Variants in IDE observed in about 807,000 individuals in gnomAD.
IDE encodes the protein insulin-degrading enzyme.
Under a neutral mutation model 133.2 loss-of-function variants are expected in IDE, and 58 were observed. The ratio of observed to expected loss-of-function variants is 0.44; its 90% CI spans 0.35 to 0.54. The LOEUF (loss-of-function observed/expected upper bound fraction) is 0.54. Among genes scored for constraint, IDE ranks in the 20% least tolerant of loss-of-function variants. IDE has a pLI of 0.00. For synonymous variants in IDE, 396 were observed against 421.3 expected, an observed-to-expected ratio of 0.94 and a Z score of 0.73; for missense variants, 981 against 1,234.0, an observed-to-expected ratio of 0.79 and a Z score of 3.07.
chr10:92,517,251 C>A (rs1352307260), intron 4 of IDE, among the ~76,000 whole-genome samples: 1 of 152,190 alleles, frequency 6.6e-6, no homozygotes, highest in Non-Finnish European at 1.5e-5. Context: ...TACTAAGATT[C>A]CTGTCCCAGA....
At chr10:92,518,014 T>A (rs1007435359) in intron 4 of IDE, among the ~76,000 whole-genome samples, 4 of 152,018 alleles carry the variant, frequency 2.6e-5, no homozygotes, top group Non-Finnish European at 4.4e-5. Flanking sequence ...ATTCTCTCAC[T>A]CTACCTGAGG....
chr10:92,545,285 A>G (rs755734688), intron 1 of IDE, among the ~76,000 whole-genome samples: 1 of 151,934 alleles, frequency 6.6e-6, no homozygotes, highest in Admixed American at 6.6e-5. Context: ...AAACACATAG[A>G]GATGGGAAAG....
At chr10:92,468,081 G>C (rs11187014) in intron 19 of IDE, among the ~76,000 whole-genome samples, 8,865 of 152,218 alleles carry the variant, frequency 0.058, 884 homozygotes, top group African/African-American at 0.2. Flanking sequence ...TTCTAGCTGG[G>C]AGTTTTAGAA....
intron 19 of IDE, 80 bp downstream of exon 19, chr10:92,468,799 A>G (rs1845817597): frequency 1.4e-6 from 1 of 706,354 alleles, no homozygotes; most frequent in Non-Finnish European, 2.6e-6. Context: ...GTAAAACTAT[A>G]CCAAATTCAG....
Position 92,452,966 on chromosome 10 carries a change from C to T in IDE, c.*1478G>A, listed in dbSNP as rs1844819300. On this transcript the variant is annotated 3_prime_UTR_variant, in exon 25 of 25. Coordinates refer to ENST00000265986, the MANE Select transcript of IDE (RefSeq NM_004969.4). The stretch of plus-strand genomic sequence containing the variant: ...TGGAGCCCCGCTTTTGAAAGCAGCC[C>T]CATAGTTGTGACTATATCGTTCTTG... The T allele has an allele frequency of 6.6e-6, 1 of 152,146 alleles. No individual in the cohort carries two copies. Among genetic ancestry groups the T allele is most frequent in the Admixed American group, 6.6e-5 (1 of 15,258 alleles). 9.4% of individuals were successfully genotyped at this position (152,146 alleles called of 1,614,324 possible).
At chr10:92,524,449 ATATATT>A (rs1564648019) in intron 4 of IDE, among the ~76,000 whole-genome samples, 393 of 27,434 alleles carry the variant, frequency 0.014, 37 homozygotes, top group African/African-American at 0.043. Context: ...AATATATTTT[ATATATT>A]ATATATTTTA....
In IDE at chr10:92,454,334, T is replaced by C. The variant is rs1844879075; in HGVS notation, c.*110A>G. ...TAATGACATTTGACAATTTTTTGTT[T>C]GTTTCTCTAATAGTGAATCAGAAAC... is the stretch of plus-strand genomic sequence containing the variant. On this transcript the variant is annotated 3_prime_UTR_variant, in exon 25 of 25. Transcript: ENST00000265986. The C allele has an allele frequency of 1.4e-6, 1 of 697,290 alleles. No individual in the cohort carries two copies. Among genetic ancestry groups the C allele is most frequent in the African/African-American group, 1.8e-5 (1 of 56,670 alleles). 43.2% of individuals were successfully genotyped at this position (697,290 alleles called of 1,614,324 possible). A position where few individuals can be genotyped will look rare whatever the true frequency, so the allele number is the denominator to read the frequency against.
At chr10:92,506,077 T>C (rs1392921086) in intron 10 of IDE, among the ~76,000 whole-genome samples, 1 of 152,138 alleles carries the variant, frequency 6.6e-6, no homozygotes, top group Admixed American at 6.6e-5. Context: ...TAAAAGACTA[T>C]CATGGTAGCC....
chr10:92,478,303 T>C (rs1000223963), intron 15 of IDE, among the ~76,000 whole-genome samples: 1 of 152,214 alleles, frequency 6.6e-6, no homozygotes, highest in Non-Finnish European at 1.5e-5. Context: ...ATAAGTAAAA[T>C]TCAATCACCA....
intron 17 of IDE, 21 bp downstream of exon 17, chr10:92,474,820 G>A (rs1564604040): frequency 1.9e-6 from 3 of 1,595,996 alleles, no homozygotes; most frequent in South Asian, 2.3e-5. Context: ...AAAGCATTAA[G>A]CTTTAAGTAG....
intron 23 of IDE, among the ~76,000 whole-genome samples, chr10:92,456,085 T>C (rs1359705410): frequency 6.6e-6 from 1 of 152,184 alleles, no homozygotes; most frequent in Admixed American, 6.5e-5. Flanking sequence ...ACTCCCCACA[T>C]GCAGTGGTTC....
intron 10 of IDE, among the ~76,000 whole-genome samples, chr10:92,505,214 T>G (rs368043920): frequency 1.3e-5 from 2 of 152,374 alleles, no homozygotes; most frequent in South Asian, 4.1e-4. Flanking sequence ...TACTTGTTAA[T>G]GAAGAAAATT....
chr10:92,546,982 C>G (rs951531956), intron 1 of IDE, among the ~76,000 whole-genome samples: 5 of 152,164 alleles, frequency 3.3e-5, no homozygotes, highest in African/African-American at 1.2e-4. Context: ...GTTAACATTT[C>G]TTCAAACTCA....
At chr10:92,563,080 G>A (rs766728976) in intron 1 of IDE, among the ~76,000 whole-genome samples, 1 of 151,976 alleles carries the variant, frequency 6.6e-6, no homozygotes, top group African/African-American at 2.4e-5. Context: ...GTGAAACCAC[G>A]TCTCTACTAA....
chr10:92,562,633 G>T (rs1843330988), intron 1 of IDE, among the ~76,000 whole-genome samples: 1 of 151,980 alleles, frequency 6.6e-6, no homozygotes, highest in Non-Finnish European at 1.5e-5. Flanking sequence ...CTGAATTCAA[G>T]AATATTTTAC....
intron 1 of IDE, among the ~76,000 whole-genome samples, chr10:92,566,410 C>G (rs1843550665): frequency 9.4e-6 from 1 of 106,152 alleles, no homozygotes; most frequent in Non-Finnish European, 2.2e-5. Context: ...CTCTCTCTCT[C>G]TCTCACACAC....
intron 20 of IDE, 98 bp downstream of exon 20, chr10:92,465,578 T>C (rs1845639541): frequency 2.1e-5 from 21 of 1,010,048 alleles, no homozygotes; most frequent in Non-Finnish European, 2.7e-5. Flanking sequence ...AGACCATGCC[T>C]GATATACAGT....
chr10:92,522,579 C>G (rs1849286461), intron 4 of IDE, among the ~76,000 whole-genome samples: 1 of 152,110 alleles, frequency 6.6e-6, no homozygotes. Flanking sequence ...GAAATCTTAT[C>G]TATACTTCAG....
intron 1 of IDE, among the ~76,000 whole-genome samples, chr10:92,540,061 G>C (rs1469511175): frequency 6.6e-6 from 1 of 152,002 alleles, no homozygotes; most frequent in African/African-American, 2.4e-5. Flanking sequence ...GGTCAATATG[G>C]TGAAACCCCA....
Sources: gnomAD v4.1 joint callset for allele counts (sites outside exome capture counted in the v4.1 genomes callset) on GRCh38, gnomAD v4.1.1 for gene constraint, MANE v1.5 for transcripts, NCBI Gene and HGNC (gene_info 2026-07-23, HGNC 2026-07-21) for gene names.